The following PKHD1 variants were observed in gnomAD, a reference collection of about 807,000 sequenced individuals.
PKHD1 encodes PKHD1 ciliary IPT domain containing fibrocystin/polyductin, also known as fibrocystin.
A neutral mutation model predicts 412.0 loss-of-function variants in PKHD1; 291 were observed. The ratio of observed to expected loss-of-function variants is 0.71; its 90% CI spans 0.64 to 0.78. PKHD1 has a LOEUF of 0.78. Among genes scored for constraint, PKHD1 ranks in the 30% least tolerant of loss-of-function variants. PKHD1 has a pLI of 0.00. For synonymous variants in PKHD1, 1,777 were observed against 1,821.5 expected (o/e 0.98, Z 0.62); for missense variants, 4,825 against 4,950.7 (o/e 0.97, Z 0.76).
intron 63 of PKHD1, among the ~76,000 whole-genome samples, chr6:51,641,618 A>G (rs948192988): frequency 6.6e-6 from 1 of 152,224 alleles, no homozygotes; most frequent in Non-Finnish European, 1.5e-5. Context: ...GCACACTCAC[A>G]ATAGCAAAGA....
intron 60 of PKHD1, among the ~76,000 whole-genome samples, chr6:51,662,845 A>T (rs1042149217): frequency 6.6e-6 from 1 of 152,032 alleles, no homozygotes; most frequent in Non-Finnish European, 1.5e-5. Context: ...AAATTGACAC[A>T]AGATAAAACA....
intron 43 of PKHD1, among the ~76,000 whole-genome samples, chr6:51,895,730 G>C (rs925436220): frequency 6.6e-6 from 1 of 152,134 alleles, no homozygotes; most frequent in Non-Finnish European, 1.5e-5. Flanking sequence ...GAAGACAGGC[G>C]ATTTCTGCAT....
At chr6:51,677,545 G>T (rs778698412) in intron 60 of PKHD1, among the ~76,000 whole-genome samples, 33 of 152,104 alleles carry the variant, frequency 2.2e-4, no homozygotes, top group Middle Eastern at 3.2e-3. Context: ...TCTCGCCAAA[G>T]TTTTGTAGTT....
chr6:51,641,050 C>T (rs1427799007), intron 63 of PKHD1, among the ~76,000 whole-genome samples: 1 of 152,178 alleles, frequency 6.6e-6, no homozygotes, highest in African/African-American at 2.4e-5. Context: ...ATCCCAAATG[C>T]TTTTGGTGCA....
chr6:51,673,434 A>G (rs1562074999), intron 60 of PKHD1, among the ~76,000 whole-genome samples: 1 of 152,218 alleles, frequency 6.6e-6, no homozygotes, highest in Non-Finnish European at 1.5e-5. Context: ...GTGCCTTTGC[A>G]TCTCTACCAA....
chr6:51,916,956 A>T (rs1783894854), intron 37 of PKHD1, among the ~76,000 whole-genome samples: 1 of 152,108 alleles, frequency 6.6e-6, no homozygotes. Flanking sequence ...CCTACAAATT[A>T]TTGTTCAAGC....
At chr6:52,010,974 C>G (rs1799741753) in intron 34 of PKHD1, among the ~76,000 whole-genome samples, 1 of 152,090 alleles carries the variant, frequency 6.6e-6, no homozygotes, top group Admixed American at 6.6e-5. Flanking sequence ...AAAATGAGCT[C>G]ATTTAGGCTT....
At chr6:52,013,631 T>G (rs1164917384) in intron 34 of PKHD1, among the ~76,000 whole-genome samples, 1 of 152,038 alleles carries the variant, frequency 6.6e-6, no homozygotes, top group Non-Finnish European at 1.5e-5. Flanking sequence ...GATCAATATA[T>G]GTACAGATAC....
At chr6:51,703,586 T>C (rs1779692736) in intron 60 of PKHD1, among the ~76,000 whole-genome samples, 1 of 151,956 alleles carries the variant, frequency 6.6e-6, no homozygotes, top group African/African-American at 2.4e-5. Flanking sequence ...AATTTTATTA[T>C]CTTTTTTTAA....
intron 64 of PKHD1, among the ~76,000 whole-genome samples, chr6:51,636,589 C>CACAA (rs1768604470): frequency 6.6e-6 from 1 of 152,024 alleles, no homozygotes; most frequent in Non-Finnish European, 1.5e-5. Context: ...CACACACACA[C>CACAA]ACAAAACAAC....
chr6:52,049,477 C>T (rs1180983662), intron 22 of PKHD1, among the ~76,000 whole-genome samples: 4 of 151,970 alleles, frequency 2.6e-5, no homozygotes, highest in Non-Finnish European at 2.9e-5. Flanking sequence ...TATATATATC[C>T]CTACACCCAC....
chr6:51,684,784 A>T (rs1004461395), intron 60 of PKHD1, among the ~76,000 whole-genome samples: 29 of 152,190 alleles, frequency 1.9e-4, no homozygotes, highest in African/African-American at 7.0e-4. Flanking sequence ...AGGTACAAGC[A>T]GCTGGTTTGA....
In PKHD1 at chr6:51,867,990, T is replaced by C; in HGVS notation, c.7606A>G (p.Arg2536Gly). ...TCCATAGAAGCAAGAATGTGACTTC[T>C]GTTTTTCCCAGACAGAGACCCATCC... The part of the protein sequence containing the change: ...DLDGSLSGKN[R>G]SHILASMETL... The change falls in exon 48 of 67, where the codon AGA (arginine) becomes GGA (glycine). Residue 2536 changes from arginine to glycine, a missense_variant. By Grantham distance (125) the Arg-to-Gly change is moderately radical (BLOSUM62 -2). Transcript: ENST00000371117. 4 of 1,613,538 alleles carry C rather than the reference T, an allele frequency of 2.5e-6. No homozygotes were observed. Among genetic ancestry groups the C allele is most frequent in the Non-Finnish European group, 3.4e-6 (4 of 1,179,506 alleles).
At chr6:51,875,002 G>T (rs1386333658) in intron 46 of PKHD1, among the ~76,000 whole-genome samples, 2 of 59,974 alleles carry the variant, frequency 3.3e-5, no homozygotes, top group African/African-American at 7.5e-5. Context: ...AAGGGGTGAC[G>T]GACGCACCTG....
intron 36 of PKHD1, among the ~76,000 whole-genome samples, chr6:51,952,290 C>G (rs1444924184): frequency 6.6e-6 from 1 of 152,176 alleles, no homozygotes. Context: ...AAATTGGTCA[C>G]TGTCTGGACT....
At chr6:51,788,374 A>G (rs1793209821) in intron 53 of PKHD1, among the ~76,000 whole-genome samples, 1 of 151,814 alleles carries the variant, frequency 6.6e-6, no homozygotes, top group Non-Finnish European at 1.5e-5. Context: ...TCTCCACCCT[A>G]CCCAGTGCCC....
chr6:52,068,693 T>A (rs1359147282), intron 11 of PKHD1, among the ~76,000 whole-genome samples: 1 of 152,226 alleles, frequency 6.6e-6, no homozygotes, highest in African/African-American at 2.4e-5. Flanking sequence ...GCTATCGTTA[T>A]CACCATCACC....
rs145553246 is a variant in PKHD1 at position 51,894,407 on chromosome 6, G to T, written c.6997-7162C>A. Among the ~76,000 whole-genome samples, 378 of 152,332 alleles carry T rather than the reference G, an allele frequency of 2.5e-3. 3 individuals are homozygous for T. The highest frequency in any genetic ancestry group is 8.1e-3 in the African/African-American group (338 of 41,578). ...TGCCCTGGACTCACCTCAGCTGCAG[G>T]CTGGGCAGGGAGAGAAGCAGACCAC... is the stretch of plus-strand genomic sequence containing the variant. On this transcript the variant is annotated intron_variant, in intron 43 of 66. Transcript: ENST00000371117.
In PKHD1 at chr6:51,874,917, G is replaced by C. The variant is rs1269693890; in HGVS notation, c.7351-4278C>G. Among the ~76,000 whole-genome samples, 7 of 84,792 alleles carry C rather than the reference G, an allele frequency of 8.3e-5. 2 individuals carry two copies. The highest frequency in any genetic ancestry group is 2.0e-4 in the African/African-American group (4 of 20,148). 55.6% of individuals were successfully genotyped at this position (84,792 alleles called of 152,430 possible). On this transcript the variant is annotated intron_variant, in intron 46 of 66. Transcript: ENST00000371117. ...GCCAGTGTGTGTGCGCACCGTGCGCGAGCCGAAGCAGGGCGAGGCATTGCC... is the reference window on the plus strand; with the variant it reads ...GCCAGTGTGTGTGCGCACCGTGCGCCAGCCGAAGCAGGGCGAGGCATTGCC...
Sources: gnomAD v4.1 joint callset for allele counts (sites outside exome capture counted in the v4.1 genomes callset) on GRCh38, gnomAD v4.1.1 for gene constraint, MANE v1.5 for transcripts, NCBI Gene and HGNC (gene_info 2026-07-23, HGNC 2026-07-21) for gene names.